Variants in CNTN4 observed in about 807,000 individuals in gnomAD.
CNTN4 encodes contactin-4.
CNTN4 carries 77 observed loss-of-function variants against 122.5 expected under a neutral mutation model. The ratio of observed to expected loss-of-function variants is 0.63; its 90% CI spans 0.52 to 0.76. The LOEUF (loss-of-function observed/expected upper bound fraction) is 0.76. Ranked by LOEUF, CNTN4 falls within the 30% of genes least tolerant of loss-of-function variation. The probability of loss-of-function intolerance (pLI) is 0.00; values close to 1 mark genes in which losing one functional copy is unlikely to be tolerated. For missense variants in CNTN4, 1,256 were observed against 1,259.1 expected, an observed-to-expected ratio of 1.00 and a Z score of 0.04; for synonymous variants, 512 against 447.0, an observed-to-expected ratio of 1.15 and a Z score of -1.83.
intron 4 of CNTN4, among the ~76,000 whole-genome samples, chr3:2,606,278 A>G (rs1387063057): frequency 1.3e-5 from 2 of 152,154 alleles, no homozygotes; most frequent in African/African-American, 4.8e-5. Flanking sequence ...GGAGAACAAT[A>G]TAACCTAATT....
chr3:2,452,957 C>A (rs1416067389), intron 3 of CNTN4, among the ~76,000 whole-genome samples: 1 of 152,018 alleles, frequency 6.6e-6, no homozygotes, highest in Non-Finnish European at 1.5e-5. Flanking sequence ...TATTGCAAAT[C>A]TTCCTGGTTG....
At chr3:2,727,080 G>A (rs548503704) in intron 4 of CNTN4, among the ~76,000 whole-genome samples, 1 of 152,302 alleles carries the variant, frequency 6.6e-6, no homozygotes, top group Non-Finnish European at 1.5e-5. Flanking sequence ...GACAATGTCT[G>A]CTTTGCACAC....
At chr3:2,106,084 A>T (rs919638921) in intron 2 of CNTN4, among the ~76,000 whole-genome samples, 2 of 152,220 alleles carry the variant, frequency 1.3e-5, no homozygotes, top group African/African-American at 4.8e-5. Context: ...GGTCATGCTG[A>T]TGCAGGAGGT....
intron 3 of CNTN4, among the ~76,000 whole-genome samples, chr3:2,457,528 A>C (rs1435939312): frequency 6.6e-6 from 1 of 152,250 alleles, no homozygotes; most frequent in East Asian, 1.9e-4. Context: ...GGAAAAGTAA[A>C]TTATGAATAT....
intron 4 of CNTN4, among the ~76,000 whole-genome samples, chr3:2,676,502 G>C (rs768339030): frequency 6.6e-6 from 1 of 152,192 alleles, no homozygotes; most frequent in East Asian, 1.9e-4. Context: ...GATTACAGGC[G>C]TGAGCCACTG....
At chr3:2,744,377 C>T (rs1335328597) in intron 5 of CNTN4, among the ~76,000 whole-genome samples, 1 of 152,190 alleles carries the variant, frequency 6.6e-6, no homozygotes, top group Non-Finnish European at 1.5e-5. Context: ...TGTGCATGTG[C>T]ACACACACAA....
intron 3 of CNTN4, among the ~76,000 whole-genome samples, chr3:2,435,606 A>T (rs2048232489): frequency 6.6e-6 from 1 of 152,116 alleles, no homozygotes; most frequent in Non-Finnish European, 1.5e-5. Flanking sequence ...GAACACAGGA[A>T]ATTATTTTAG....
chr3:2,240,200 A>G (rs912880848), intron 2 of CNTN4, among the ~76,000 whole-genome samples: 1 of 152,184 alleles, frequency 6.6e-6, no homozygotes, highest in Non-Finnish European at 1.5e-5. Context: ...TACTCTGGCC[A>G]TTTAAAAAAC....
rs59790353 is a variant in CNTN4, at chr3:2,961,231, C to CAAAAA, written c.1359-27099_1359-27095dup. Among the ~76,000 whole-genome samples the CAAAAA allele has an allele frequency of 9.1e-3, 339 of 37,236 alleles. 22 individuals carry two copies. Among genetic ancestry groups the CAAAAA allele is most frequent in the African/African-American group, 0.029 (294 of 10,026 alleles). The allele number at this position is 37,236 out of a possible 152,430, so 24.4% of individuals were successfully genotyped here. On this transcript the variant is annotated intron_variant, in intron 13 of 24. Transcript: ENST00000418658. Reference sequence around the variant, plus strand: ...GGCGACAGAACGAGACTCCATCTCACAAAAAAAAAAAAAAAAAAAGGCCTA... The same window carrying CAAAAA: ...GGCGACAGAACGAGACTCCATCTCACAAAAAAAAAAAAAAAAAAAAAAAAGGCCTA...
At chr3:2,924,925 C>A (rs2094459048) in intron 12 of CNTN4, among the ~76,000 whole-genome samples, 3 of 143,414 alleles carry the variant, frequency 2.1e-5, no homozygotes, top group Non-Finnish European at 4.6e-5. Context: ...AGAGCAAATG[C>A]TTTAACCTAC....
chr3:2,417,165 T>C (rs1460279196), intron 3 of CNTN4, among the ~76,000 whole-genome samples: 3 of 152,212 alleles, frequency 2.0e-5, no homozygotes, highest in African/African-American at 7.2e-5. Context: ...CTTACTTCCA[T>C]TTCTCCACTT....
At chr3:2,522,564 A>G (rs1342838006) in intron 3 of CNTN4, among the ~76,000 whole-genome samples, 1 of 152,160 alleles carries the variant, frequency 6.6e-6, no homozygotes, top group Non-Finnish European at 1.5e-5. Context: ...GCTATTAATA[A>G]TAAGAAACGC....
intron 2 of CNTN4, among the ~76,000 whole-genome samples, chr3:2,203,608 T>C (rs1197790504): frequency 6.6e-6 from 1 of 152,152 alleles, no homozygotes; most frequent in Non-Finnish European, 1.5e-5. Context: ...AAAATGTACC[T>C]GCTCCAGTAC....
intron 2 of CNTN4, among the ~76,000 whole-genome samples, chr3:2,159,806 A>G (rs2035880803): frequency 6.6e-6 from 1 of 152,098 alleles, no homozygotes; most frequent in Admixed American, 6.5e-5. Context: ...TCTGAATAAT[A>G]AGGTCAATTT....
At chr3:2,933,202 AAGTC>A (rs1275501537) in intron 13 of CNTN4, among the ~76,000 whole-genome samples, 1 of 152,062 alleles carries the variant, frequency 6.6e-6, no homozygotes, top group African/African-American at 2.4e-5. Context: ...ATCAAGGAAA[AAGTC>A]AGTTATGCAT....
At chr3:2,286,186 C>G (rs2149941193) in intron 2 of CNTN4, among the ~76,000 whole-genome samples, 1 of 149,126 alleles carries the variant, frequency 6.7e-6, no homozygotes, top group East Asian at 2.0e-4. Context: ...TTTAACTATA[C>G]TGTATTTCTC....
At chr3:2,704,236 G>A (rs1401377555) in intron 4 of CNTN4, among the ~76,000 whole-genome samples, 2 of 142,412 alleles carry the variant, frequency 1.4e-5, no homozygotes, top group Admixed American at 1.5e-4. Flanking sequence ...GGCGGAGGTT[G>A]CAGGGAGCCT....
chr3:2,404,562 A>C (rs2046965819), intron 3 of CNTN4, among the ~76,000 whole-genome samples: 1 of 152,028 alleles, frequency 6.6e-6, no homozygotes, highest in East Asian at 1.9e-4. Flanking sequence ...CATATTTCTG[A>C]AGGAGGCTCT....
rs145769697 is a variant in CNTN4 at position 2,710,900 on chromosome 3, C to T, written c.56-25315C>T. On this transcript the variant is annotated intron_variant, in intron 4 of 24. Transcript: ENST00000418658. ...GAAGGCCAGTGTCTTCCTTTTTTAA[C>T]GTACAGCATGAAAATGTACTTGACC... 9.3e-3 allele frequency among the ~76,000 whole-genome samples: 1,409 copies of T among 152,226 alleles called. 14 individuals carry two copies. The highest frequency in any genetic ancestry group is 0.017 in the Admixed American group (264 of 15,290).
Sources: allele counts gnomAD v4.1 joint callset (sites outside exome capture counted in the v4.1 genomes callset), GRCh38; gene constraint gnomAD v4.1.1; transcripts MANE v1.5; gene names NCBI Gene and HGNC (gene_info 2026-07-23, HGNC 2026-07-21).